Variants in TSNARE1 observed in about 807,000 individuals in gnomAD.
TSNARE1 encodes the protein t-SNARE domain-containing protein 1.
In TSNARE1, 49 loss-of-function variants were observed where a neutral mutation model predicts 62.0. The ratio of observed to expected loss-of-function variants is 0.79; its 90% CI spans 0.63 to 1.00. The LOEUF is 1.00. Among genes scored for constraint, TSNARE1 ranks in the 50% least tolerant of loss-of-function variants. The pLI is 0.00. For synonymous variants in TSNARE1, 328 were observed against 294.4 expected, an observed-to-expected ratio of 1.11 and a Z score of -1.17; for missense variants, 755 against 700.1, an observed-to-expected ratio of 1.08 and a Z score of -0.88.
intron 12 of TSNARE1, among the ~76,000 whole-genome samples, chr8:142,261,049 G>GCA (rs1364907270): frequency 7.6e-6 from 1 of 131,192 alleles, no homozygotes; most frequent in Non-Finnish European, 1.6e-5. Flanking sequence ...GAGGGAGGAA[G>GCA]GAAAGAGGGA....
intron 10 of TSNARE1, among the ~76,000 whole-genome samples, chr8:142,293,127 C>G (rs568847245): frequency 6.6e-6 from 1 of 152,318 alleles, no homozygotes; most frequent in East Asian, 1.9e-4. Context: ...CTCCCTCGAG[C>G]AGCCGCACCG....
At chr8:142,316,719 T>C (rs1214191777) in intron 7 of TSNARE1, among the ~76,000 whole-genome samples, 1 of 151,772 alleles carries the variant, frequency 6.6e-6, no homozygotes, top group East Asian at 2.0e-4. Context: ...GATTGCATTT[T>C]CTGGATGTTT....
chr8:142,273,666 T>G (rs1819962749), intron 12 of TSNARE1: 9 of 985,210 alleles, frequency 9.1e-6, no homozygotes, highest in Non-Finnish European at 1.1e-5. Context: ...AGGCCCAAAC[T>G]GGGATCAGCC....
chr8:142,276,106 G>A (rs1247296631), intron 11 of TSNARE1: 45 of 985,346 alleles, frequency 4.6e-5, no homozygotes, highest in Non-Finnish European at 4.8e-5. Context: ...GCAGGCACTC[G>A]CAGACACACC....
chr8:142,292,532 G>A (rs894887826), intron 10 of TSNARE1, among the ~76,000 whole-genome samples: 38 of 152,298 alleles, frequency 2.5e-4, no homozygotes, highest in Non-Finnish European at 4.7e-4. Flanking sequence ...TAGCTGTGGT[G>A]CAAGCAGCTC....
chr8:142,364,123 G>A (rs980679433), intron 1 of TSNARE1, among the ~76,000 whole-genome samples: 1 of 152,228 alleles, frequency 6.6e-6, no homozygotes, highest in African/African-American at 2.4e-5. Context: ...CATGGCTGCA[G>A]TGCCTTCTAC....
At position 142,342,505 on chromosome 8, in the gene TSNARE1, C is replaced by T. The variant is rs186388231; in HGVS notation, c.745+1461G>A. ...AGTGCTCTAGGGACCCATCCAGTCC[C>T]GGGGCAGGGCATGTCCAGGCAGCTT... On this transcript the variant is annotated intron_variant, in intron 4 of 13. Transcript: ENST00000524325. 3.3e-5 allele frequency among the ~76,000 whole-genome samples: 5 copies of T among 152,268 alleles called. No homozygotes were observed. The East Asian group carries it at 5.8e-4, about 18-fold the overall frequency.
At chr8:142,241,078 G>T (rs1817650718) in intron 12 of TSNARE1, among the ~76,000 whole-genome samples, 3 of 152,176 alleles carry the variant, frequency 2.0e-5, no homozygotes. Flanking sequence ...AAGTTAAATT[G>T]TCTCTCTGTT....
At chr8:142,336,109 C>T (rs1296678868) in intron 4 of TSNARE1, among the ~76,000 whole-genome samples, 1 of 151,988 alleles carries the variant, frequency 6.6e-6, no homozygotes, top group Non-Finnish European at 1.5e-5. Context: ...ACAGTGAGAT[C>T]TCTTTCTATA....
At chr8:142,310,814 A>C (rs1827452805) in intron 9 of TSNARE1, among the ~76,000 whole-genome samples, 1 of 151,938 alleles carries the variant, frequency 6.6e-6, no homozygotes, top group African/African-American at 2.4e-5. Context: ...TGGTTTTCAA[A>C]TTTTTATCAT....
At chr8:142,366,052 T>C (rs540072896) in intron 1 of TSNARE1, 5 of 370,176 alleles carry the variant, frequency 1.4e-5, no homozygotes, top group African/African-American at 4.4e-5. Flanking sequence ...TGCTTTTTTT[T>C]CTTTTTTTTT....
At chr8:142,399,601 G>A (rs965585013) in intron 1 of TSNARE1, among the ~76,000 whole-genome samples, 4 of 152,164 alleles carry the variant, frequency 2.6e-5, no homozygotes, top group African/African-American at 9.7e-5. Flanking sequence ...GAGGGACAGC[G>A]CCGGCCATGA....
chr8:142,275,872 G>A (rs1820396749), intron 11 of TSNARE1: 10 of 983,334 alleles, frequency 1.0e-5, no homozygotes, highest in Non-Finnish European at 9.6e-6. Flanking sequence ...GGCTCTGAGG[G>A]AGGAGGGTCC....
chr8:142,274,108 C>T (rs1023972304), intron 12 of TSNARE1: 17 of 985,298 alleles, frequency 1.7e-5, no homozygotes, highest in Non-Finnish European at 2.0e-5. Context: ...CCTGCCTGGC[C>T]CCTGGGACTC....
intron 1 of TSNARE1, among the ~76,000 whole-genome samples, chr8:142,356,935 G>T (rs1374080509): frequency 6.6e-6 from 1 of 152,112 alleles, no homozygotes; most frequent in African/African-American, 2.4e-5. Context: ...GGACAGGAAG[G>T]GGGGACGCCA....
At chr8:142,351,766 G>C (rs1834120123) in intron 2 of TSNARE1, among the ~76,000 whole-genome samples, 1 of 152,206 alleles carries the variant, frequency 6.6e-6, no homozygotes, top group Admixed American at 6.5e-5. Flanking sequence ...AACTTGACCA[G>C]AGAATCCACA....
intron 13 of TSNARE1, among the ~76,000 whole-genome samples, chr8:142,228,995 G>T (rs1380393237): frequency 6.6e-6 from 1 of 152,096 alleles, no homozygotes; most frequent in African/African-American, 2.4e-5. Flanking sequence ...TGGACAGATG[G>T]TGGATAGATG....
At chr8:142,252,720 A>C (rs772671226) in intron 12 of TSNARE1, among the ~76,000 whole-genome samples, 44 of 152,182 alleles carry the variant, frequency 2.9e-4, no homozygotes, top group Non-Finnish European at 5.3e-4. Context: ...GTTTACTTCC[A>C]GCCACCCCTG....
intron 9 of TSNARE1, among the ~76,000 whole-genome samples, chr8:142,314,070 C>G (rs771047825): frequency 6.6e-6 from 1 of 152,244 alleles, no homozygotes; most frequent in African/African-American, 2.4e-5. Flanking sequence ...TGAGCCACCG[C>G]GCCCGGCCAC....
Sources: gnomAD v4.1 joint callset for allele counts (sites outside exome capture counted in the v4.1 genomes callset) on GRCh38, gnomAD v4.1.1 for gene constraint, MANE v1.5 for transcripts, NCBI Gene and HGNC (gene_info 2026-07-23, HGNC 2026-07-21) for gene names.